Variants in KAZN observed in about 807,000 individuals in gnomAD.
The protein encoded by KAZN is kazrin.
In KAZN, 40 loss-of-function variants were observed where a neutral mutation model predicts 87.4. The ratio of observed to expected loss-of-function variants is 0.46; its 90% CI spans 0.36 to 0.60. The LOEUF (loss-of-function observed/expected upper bound fraction) is 0.60. Ranked by LOEUF, KAZN falls within the 20% of genes least tolerant of loss-of-function variation. KAZN has a pLI of 0.00. For missense variants in KAZN, 898 were observed against 1,073.9 expected (o/e 0.84, Z 2.29); for synonymous variants, 466 against 458.3 (o/e 1.02, Z -0.22).
At chr1:13,946,033 C>T (rs1164200312) in intron 1 of KAZN, among the ~76,000 whole-genome samples, 1 of 152,200 alleles carries the variant, frequency 6.6e-6, no homozygotes, top group Non-Finnish European at 1.5e-5. Context: ...TCTGGGCTTC[C>T]AAGTCCTCAG....
intron 1 of KAZN, among the ~76,000 whole-genome samples, chr1:14,042,780 A>G (rs1011412484): frequency 1.3e-5 from 2 of 152,224 alleles, no homozygotes; most frequent in African/African-American, 4.8e-5. Context: ...AAAGTAAAAG[A>G]TCATTTGATG....
intron 1 of KAZN, among the ~76,000 whole-genome samples, chr1:14,016,692 G>C (rs114626472): frequency 0.023 from 3,430 of 152,106 alleles, 128 homozygotes; most frequent in African/African-American, 0.077. Context: ...TGCTTCCTCT[G>C]ACCTTTGTTT....
intron 1 of KAZN, among the ~76,000 whole-genome samples, chr1:14,681,869 T>A (rs1310311659): frequency 1.3e-5 from 2 of 150,332 alleles, no homozygotes; most frequent in African/African-American, 4.9e-5. Flanking sequence ...TTTTTTGTAT[T>A]TTTAGTAGAG....
chr1:14,211,503 C>T (rs947160750), intron 2 of KAZN, among the ~76,000 whole-genome samples: 2 of 152,064 alleles, frequency 1.3e-5, no homozygotes, highest in African/African-American at 2.4e-5. Context: ...GGGTTACAGG[C>T]GTGAGCCACC....
intron 2 of KAZN, among the ~76,000 whole-genome samples, chr1:14,514,620 TA>T (rs1397577261): frequency 6.8e-5 from 3 of 44,172 alleles, no homozygotes; most frequent in Admixed American, 2.7e-4. Context: ...TATATATATA[TA>T]TATATATATA....
At chr1:15,064,826 C>T (rs925913022) in intron 7 of KAZN, among the ~76,000 whole-genome samples, 1 of 152,222 alleles carries the variant, frequency 6.6e-6, no homozygotes, top group Non-Finnish European at 1.5e-5. Flanking sequence ...GCCACCCTTC[C>T]TCCCTGTGGC....
chr1:14,158,834 A>G (rs1645650015), intron 1 of KAZN, among the ~76,000 whole-genome samples: 1 of 152,172 alleles, frequency 6.6e-6, no homozygotes, highest in Non-Finnish European at 1.5e-5. Flanking sequence ...CAAGCCTAGT[A>G]ATGCTGTGGC....
chr1:14,351,611 T>G (rs561871239), intron 2 of KAZN, among the ~76,000 whole-genome samples: 12 of 152,264 alleles, frequency 7.9e-5, no homozygotes, highest in Middle Eastern at 3.4e-3. Context: ...TTGGTCATTA[T>G]AAACAAAGGC....
At chr1:14,905,242 A>G (rs1656386377) in intron 1 of KAZN, among the ~76,000 whole-genome samples, 1 of 152,148 alleles carries the variant, frequency 6.6e-6, no homozygotes, top group African/African-American at 2.4e-5. Flanking sequence ...TATTTTGAGT[A>G]GAAATGGGGT....
chr1:14,070,146 C>T (rs377741027), intron 1 of KAZN, among the ~76,000 whole-genome samples: 20 of 107,566 alleles, frequency 1.9e-4, no homozygotes, highest in Non-Finnish European at 3.8e-4. Context: ...TCCAGCTTGG[C>T]GACAGTGCGA....
intron 1 of KAZN, among the ~76,000 whole-genome samples, chr1:14,170,730 T>TTC (rs1553139031): frequency 1.3e-5 from 2 of 148,530 alleles, no homozygotes; most frequent in East Asian, 4.3e-4. Context: ...CTGTAATTAT[T>TTC]TTTTTTTCTG....
intron 2 of KAZN, among the ~76,000 whole-genome samples, chr1:14,466,747 T>C (rs1454401895): frequency 3.3e-5 from 5 of 151,234 alleles, no homozygotes; most frequent in Non-Finnish European, 7.4e-5. Flanking sequence ...GGTGGGCAGA[T>C]CACGAAGTCA....
chr1:14,069,953 G>C (rs943229203), intron 1 of KAZN, among the ~76,000 whole-genome samples: 1 of 151,904 alleles, frequency 6.6e-6, no homozygotes, highest in Non-Finnish European at 1.5e-5. Context: ...GGCGGATCAC[G>C]AGGTCAGGAG....
At chr1:15,102,768 A>G (rs1641123297) in intron 11 of KAZN, among the ~76,000 whole-genome samples, 2 of 152,194 alleles carry the variant, frequency 1.3e-5, no homozygotes, top group African/African-American at 2.4e-5. Context: ...TCAGCCAAAC[A>G]TGGGTTTTCA....
intron 2 of KAZN, among the ~76,000 whole-genome samples, chr1:14,543,984 A>G (rs1054895285): frequency 2.0e-5 from 3 of 152,226 alleles, no homozygotes; most frequent in African/African-American, 7.2e-5. Flanking sequence ...GTGTCTAAAC[A>G]CATGTTTAAT....
At chr1:14,788,224 GC>G (rs1377450616) in intron 1 of KAZN, among the ~76,000 whole-genome samples, 1 of 152,166 alleles carries the variant, frequency 6.6e-6, no homozygotes, top group African/African-American at 2.4e-5. Flanking sequence ...AAACGCATCA[GC>G]CAGGGATAGG....
chr1:13,995,804 C>T (rs1639486686), intron 1 of KAZN, among the ~76,000 whole-genome samples: 3 of 152,168 alleles, frequency 2.0e-5, no homozygotes, highest in Admixed American at 2.0e-4. Context: ...CTGCAGACAG[C>T]CTATTGTGGG....
chr1:14,752,559 C>T (rs150447638), intron 1 of KAZN, among the ~76,000 whole-genome samples: 6 of 152,264 alleles, frequency 3.9e-5, no homozygotes, highest in East Asian at 1.9e-4. Flanking sequence ...TCCAAGATAG[C>T]GCCTTCTTGC....
intron 2 of KAZN, among the ~76,000 whole-genome samples, chr1:14,239,271 T>A (rs1215372718): frequency 6.6e-6 from 1 of 152,064 alleles, no homozygotes; most frequent in African/African-American, 2.4e-5. Flanking sequence ...TCATTCTTGT[T>A]TTTCTGTTAT....
Sources: allele counts gnomAD v4.1 joint callset (sites outside exome capture counted in the v4.1 genomes callset), GRCh38; gene constraint gnomAD v4.1.1; transcripts MANE v1.5; gene names NCBI Gene and HGNC (gene_info 2026-07-23, HGNC 2026-07-21).